Variants in B4GALNT3 observed in about 807,000 individuals in gnomAD.
B4GALNT3 encodes the protein beta-1,4-N-acetyl-galactosaminyltransferase 3.
Under a neutral mutation model 120.2 loss-of-function variants are expected in B4GALNT3, and 86 were observed. The observed-to-expected ratio is 0.72, with a 90% CI of 0.60 to 0.86. B4GALNT3 has a LOEUF of 0.86. Among genes scored for constraint, B4GALNT3 ranks in the 40% least tolerant of loss-of-function variants. The pLI is 0.00. For synonymous variants in B4GALNT3, 518 were observed against 510.4 expected (o/e 1.01, Z -0.20); for missense variants, 1,167 against 1,298.9 (o/e 0.90, Z 1.56).
Position 460,597 on chromosome 12 carries a change from G to A in B4GALNT3, c.169+52G>A. The A allele has an allele frequency of 2.3e-6, 3 of 1,305,586 alleles. No homozygotes were observed. The highest frequency in any genetic ancestry group is 4.2e-5 in the South Asian group (2 of 47,482). 80.9% of individuals were successfully genotyped at this position (1,305,586 alleles called of 1,614,324 possible). A position where few individuals can be genotyped will look rare whatever the true frequency, so the allele number is the denominator to read the frequency against. ...GGCGCGGGGGTGGGCGGCGGCGGCG[G>A]CTCCTGCGTTGGGGGGACCCGCCTC... is the stretch of plus-strand genomic sequence containing the variant. On this transcript the variant is annotated intron_variant, in intron 1 of 19. Transcript: ENST00000266383. The surrounding 1 kb of genome is among the most constrained non-coding windows in gnomAD (Gnocchi z 8.0).
chr12:561,016 G>A lies in B4GALNT3; in HGVS notation c.2889-327G>A, dbSNP rs141811876. ...TGAGCCCTCAGCATCCATCCTTCTC[G>A]TCTTCCCCACCTCTGATGTGTATAT... On this transcript the variant is annotated intron_variant, in intron 19 of 19. Transcript: ENST00000266383. Among the ~76,000 whole-genome samples, 131 of 152,308 alleles carry A rather than the reference G, an allele frequency of 8.6e-4. No homozygotes were observed. In the East Asian group the frequency reaches 0.014, roughly 16 times the overall value.
chr12:463,415 A>T (rs976868063), intron 1 of B4GALNT3, among the ~76,000 whole-genome samples: 4 of 152,264 alleles, frequency 2.6e-5, no homozygotes, highest in African/African-American at 9.6e-5. Flanking sequence ...CTTAACAAAT[A>T]GAAAATTGAC....
At chr12:540,829 C>T (rs1472832410) in intron 3 of B4GALNT3, among the ~76,000 whole-genome samples, 23 of 152,200 alleles carry the variant, frequency 1.5e-4, no homozygotes, top group East Asian at 1.9e-4. Context: ...CTGCAACCTC[C>T]GCCTTCCGGG....
At chr12:473,794 AC>A (rs1946159197) in intron 1 of B4GALNT3, among the ~76,000 whole-genome samples, 3 of 152,228 alleles carry the variant, frequency 2.0e-5, no homozygotes. Flanking sequence ...GTTTGCCATC[AC>A]AGAGCATACA....
At chr12:487,723 AAAAG>A (rs939593221) in intron 1 of B4GALNT3, among the ~76,000 whole-genome samples, 16 of 151,834 alleles carry the variant, frequency 1.1e-4, no homozygotes, top group East Asian at 3.9e-4. Flanking sequence ...GAAAAAAAAA[AAAAG>A]AAAGAAAAGA....
chr12:561,876 CAG>C lies in B4GALNT3; in HGVS notation c.*427_*428del, dbSNP rs1190355301. 1 of 161,894 alleles carries C rather than the reference CAG, an allele frequency of 6.2e-6. No homozygotes were observed. The highest frequency in any genetic ancestry group is 2.4e-5 in the African/African-American group (1 of 41,620). The allele number at this position is 161,894 out of a possible 1,614,324, so 10.0% of individuals were successfully genotyped here. ...TATTGGGGGGCGGGGATTTTAAAAA[CAG>C]AAAACCGAAACTGCTGTCCAGAGCG... On this transcript the variant is annotated 3_prime_UTR_variant, in exon 20 of 20. Coordinates refer to ENST00000266383, the MANE Select transcript of B4GALNT3 (RefSeq NM_173593.4).
chr12:557,103 G>C (rs1485634426), intron 15 of B4GALNT3, among the ~76,000 whole-genome samples: 1 of 152,136 alleles, frequency 6.6e-6, no homozygotes, highest in African/African-American at 2.4e-5. Flanking sequence ...TTTCGTACTA[G>C]GTTTCAGGAT....
At chr12:535,306 C>T (rs1450183196) in intron 2 of B4GALNT3, 37 bp downstream of exon 2, 3 of 1,576,460 alleles carry the variant, frequency 1.9e-6, no homozygotes, top group African/African-American at 1.4e-5. Context: ...CTGCTGATGC[C>T]TTAACAAAGG....
rs1171248395 is a variant in B4GALNT3, at chr12:549,771, G to A, written c.856G>A (p.Glu286Lys). 6.2e-7 allele frequency: 1 copy of A among 1,613,658 alleles called. No homozygotes were observed. The highest frequency in any genetic ancestry group is 8.5e-7 in the Non-Finnish European group (1 of 1,180,032). Reference sequence around the variant, plus strand: ...CTTTCTTTCCTCCCTGCGCCCAGATGAGACGTTCCTACAGATGGATGAGGT... The same window carrying A: ...CTTTCTTTCCTCCCTGCGCCCAGATAAGACGTTCCTACAGATGGATGAGGT... ...DSLSLSLFTN[E>K]TFLQMDEVGH... Residue 286 changes from glutamate (E) to lysine (K), a missense_variant and splice_region_variant, in exon 10 of 20, where the codon GAG (glutamate) becomes AAG (lysine). This residue lies in a region of B4GALNT3 where 983 missense variants were observed against 1,102.5 expected (regional missense o/e 0.89). Transcript: ENST00000266383.
chr12:545,786 A>G (rs1370612007), intron 6 of B4GALNT3, among the ~76,000 whole-genome samples: 938 of 15,284 alleles, frequency 0.061, no homozygotes, highest in Non-Finnish European at 0.064. Context: ...GTGGGGAGGT[A>G]AGAGGAATGG....
intron 17 of B4GALNT3, 21 bp from the exon 18 acceptor site, chr12:558,487 C>G: frequency 6.2e-7 from 1 of 1,611,994 alleles, no homozygotes; most frequent in Non-Finnish European, 8.5e-7. Context: ...GTCTGCTGAC[C>G]CTGCCCACAT....
rs1462635651 is a variant in B4GALNT3 at position 460,654 on chromosome 12, A to G, written c.169+109A>G. ...CATCCTCAGACCCGATTTCCCACCC[A>G]TTTCTCCCTCAGGTGCCCGGCGTCG... On this transcript the variant is annotated intron_variant, in intron 1 of 19. Transcript: ENST00000266383. This position sits in a 1 kb window ranked among gnomAD's most constrained non-coding sequence, Gnocchi z 8.0. 10 of 1,098,750 alleles carry G rather than the reference A, an allele frequency of 9.1e-6. No homozygotes were observed. In the Admixed American group the frequency reaches 1.3e-4, roughly 14 times the overall value. The allele number at this position is 1,098,750 out of a possible 1,614,324, so 68.1% of individuals were successfully genotyped here.
At chr12:474,366 G>A (rs1322755285) in intron 1 of B4GALNT3, among the ~76,000 whole-genome samples, 3 of 152,130 alleles carry the variant, frequency 2.0e-5, no homozygotes, top group African/African-American at 2.4e-5. Flanking sequence ...TTTTCCGCAC[G>A]TCCATTAGTA....
At chr12:515,336 G>C (rs992574000) in intron 1 of B4GALNT3, among the ~76,000 whole-genome samples, 3 of 152,052 alleles carry the variant, frequency 2.0e-5, no homozygotes, top group Admixed American at 2.0e-4. Flanking sequence ...TGGGGCTACA[G>C]GCGGGCACCA....
Position 558,407 on chromosome 12 carries a change from T to C in B4GALNT3, c.2608-101T>C, listed in dbSNP as rs1388766439. On this transcript the variant is annotated intron_variant, in intron 17 of 19. Transcript: ENST00000266383. ...AGCTGGTTTTGTGGGAGTTTGTGAA[T>C]CACTCCAATAGGGAAGACTCCGAGG... 8 of 1,133,072 alleles carry C rather than the reference T, an allele frequency of 7.1e-6. No individual in the cohort carries two copies. In the African/African-American group the frequency reaches 1.2e-4, roughly 18 times the overall value. The allele number at this position is 1,133,072 out of a possible 1,614,324, so 70.2% of individuals were successfully genotyped here.
intron 1 of B4GALNT3, among the ~76,000 whole-genome samples, chr12:531,440 G>A (rs1422497331): frequency 2.0e-5 from 3 of 152,084 alleles, no homozygotes; most frequent in African/African-American, 7.2e-5. Context: ...CTTGATCCCA[G>A]GAGTTCAAGA....
rs1275017557 is a variant in B4GALNT3, at chr12:553,420, C to T, written c.1497C>T (p.Phe499=). ...CCAAGCGGAACTCCACAGCGTCCTT[C>T]CCAGGGAGGACCAGCCACATTCCAG... The part of the protein sequence containing the change: ...PFSKRNSTAS[F]PGRTSHIPVQ... Residue 499 remains phenylalanine (F), a synonymous_variant, in exon 14 of 20, where the codon TTC becomes TTT. Coordinates refer to ENST00000266383, the MANE Select transcript of B4GALNT3 (RefSeq NM_173593.4). 6.2e-7 allele frequency: 1 copy of T among 1,613,992 alleles called. No homozygotes were observed.
Position 544,338 on chromosome 12 carries a change from G to A in B4GALNT3, c.352-1G>A. 1 of 1,613,388 alleles carries A rather than the reference G, an allele frequency of 6.2e-7. No homozygotes were observed. The highest frequency in any genetic ancestry group is 1.1e-5 in the South Asian group (1 of 91,088). ...TCACCACTGGCGTCTCCGCCCTGCA[G>A]TTCCGGGGCCGTGCCAACCTGCATG... On this transcript the variant is annotated splice_acceptor_variant, in intron 3 of 19. Transcript: ENST00000266383. LOFTEE classifies it high-confidence loss of function.
chr12:544,260 C>T (rs1280978890), intron 3 of B4GALNT3, 79 bp from the exon 4 acceptor site: 6 of 1,379,468 alleles, frequency 4.3e-6, no homozygotes, highest in Non-Finnish European at 6.1e-6. Context: ...GCATGGGATG[C>T]TCATCCCCCT....
Sources: gnomAD v4.1 joint callset for allele counts (sites outside exome capture counted in the v4.1 genomes callset) on GRCh38, gnomAD v4.1.1 for gene constraint, gnomAD v4.1.1 regional missense constraint, Gnocchi (gnomAD v3.1) non-coding constraint, MANE v1.5 for transcripts, NCBI Gene and HGNC (gene_info 2026-07-23, HGNC 2026-07-21) for gene names.